Variants in SEC24B observed in about 807,000 individuals in gnomAD.
SEC24B encodes the protein protein transport protein Sec24B.
SEC24B carries 45 observed loss-of-function variants against 142.8 expected under a neutral mutation model. The observed-to-expected ratio is 0.32, with a 90% CI of 0.25 to 0.40. The LOEUF is 0.40. SEC24B is among the 10% of genes least tolerant of loss of function. The pLI, the probability that SEC24B is intolerant of heterozygous loss-of-function variation, is 1.00. For synonymous variants in SEC24B, 574 were observed against 568.2 expected (o/e 1.01, Z -0.15); for missense variants, 1,409 against 1,526.8 (o/e 0.92, Z 1.29).
rs186915533 is a variant in SEC24B, at chr4:109,441,971, A to G, written c.133+7969A>G. ...CTCTCAGAGCTTGGGAAGAAGCTCT[A>G]TAACTGTTATCCTTGCATTATGATA... On this transcript the variant is annotated intron_variant, in intron 1 of 23. Transcript: ENST00000265175. Among the ~76,000 whole-genome samples, 213 of 152,326 alleles carry G rather than the reference A, an allele frequency of 1.4e-3. 2 individuals are homozygous for G. Among genetic ancestry groups the G allele is most frequent in the Non-Finnish European group, 2.3e-3 (155 of 68,032 alleles).
At chr4:109,466,510 A>C (rs1033831887) in intron 2 of SEC24B, among the ~76,000 whole-genome samples, 2 of 152,194 alleles carry the variant, frequency 1.3e-5, no homozygotes, top group Non-Finnish European at 2.9e-5. Flanking sequence ...TTCCAGGTTC[A>C]TGCCGTTCTC....
chr4:109,482,974 A>ACC (rs1733905590), intron 4 of SEC24B, among the ~76,000 whole-genome samples: 1 of 86,740 alleles, frequency 1.2e-5, no homozygotes, highest in African/African-American at 6.3e-5. Context: ...ATATATATAT[A>ACC]TATATACACA....
At chr4:109,500,631 G>A (rs143622679) in intron 6 of SEC24B, among the ~76,000 whole-genome samples, 3 of 151,304 alleles carry the variant, frequency 2.0e-5, no homozygotes, top group African/African-American at 4.8e-5. Flanking sequence ...AAGAAGTTAT[G>A]TAAACTAATG....
intron 9 of SEC24B, among the ~76,000 whole-genome samples, 197 bp from the exon 10 acceptor site, chr4:109,513,550 G>A (rs1321534091): frequency 6.6e-6 from 1 of 152,176 alleles, no homozygotes; most frequent in African/African-American, 2.4e-5. Flanking sequence ...CCAAAGTGCT[G>A]GGATTGCAGG....
At chr4:109,532,038 G>T (rs1460908272) in intron 20 of SEC24B, among the ~76,000 whole-genome samples, 2 of 151,980 alleles carry the variant, frequency 1.3e-5, no homozygotes, top group African/African-American at 4.8e-5. Flanking sequence ...TGTACTTTTA[G>T]TAGAGACAGA....
At chr4:109,501,618 G>A (rs935675133) in intron 6 of SEC24B, among the ~76,000 whole-genome samples, 7 of 152,146 alleles carry the variant, frequency 4.6e-5, no homozygotes, top group African/African-American at 1.7e-4. Context: ...TTATAGGCGT[G>A]TGCCACCATG....
At chr4:109,534,795 C>T (rs1307158436) in intron 22 of SEC24B, among the ~76,000 whole-genome samples, 2 of 152,114 alleles carry the variant, frequency 1.3e-5, no homozygotes, top group African/African-American at 4.8e-5. Flanking sequence ...TTACCTCAGC[C>T]TCCTGAGTAG....
intron 6 of SEC24B, among the ~76,000 whole-genome samples, chr4:109,497,569 T>TA (rs397819012): frequency 6.6e-6 from 1 of 151,190 alleles, no homozygotes; most frequent in African/African-American, 2.4e-5. Context: ...TTTTTTTTTT[T>TA]ACATAATTGG....
chr4:109,441,672 C>G (rs964937147), intron 1 of SEC24B, among the ~76,000 whole-genome samples: 1 of 151,970 alleles, frequency 6.6e-6, no homozygotes, highest in Non-Finnish European at 1.5e-5. Flanking sequence ...CTTGGCCTCC[C>G]AGAGTGCTGG....
intron 5 of SEC24B, 88 bp downstream of exon 5, chr4:109,491,495 A>C: frequency 1.1e-6 from 1 of 933,478 alleles, no homozygotes; most frequent in South Asian, 1.6e-5. Flanking sequence ...TACACATAAT[A>C]GCAGGCTATA....
chr4:109,524,764 T>G (rs749389774), intron 14 of SEC24B, 54 bp from the exon 15 acceptor site: 7 of 1,525,662 alleles, frequency 4.6e-6, no homozygotes, highest in Non-Finnish European at 5.3e-6. Context: ...AAAAATGACA[T>G]GAAAATATGA....
intron 10 of SEC24B, among the ~76,000 whole-genome samples, chr4:109,514,597 G>T (rs1182323294): frequency 6.6e-6 from 1 of 152,204 alleles, no homozygotes; most frequent in Non-Finnish European, 1.5e-5. Context: ...TGCTAGGGAG[G>T]CTGAGGCCGA....
At chr4:109,453,592 C>A (rs988687801) in intron 1 of SEC24B, among the ~76,000 whole-genome samples, 1 of 152,032 alleles carries the variant, frequency 6.6e-6, no homozygotes, top group Non-Finnish European at 1.5e-5. Context: ...AAGGTTATCT[C>A]CCTTGTTCCT....
At chr4:109,500,109 A>C (rs1432345009) in intron 6 of SEC24B, among the ~76,000 whole-genome samples, 37 of 152,216 alleles carry the variant, frequency 2.4e-4, no homozygotes, top group Non-Finnish European at 5.9e-5. Flanking sequence ...AAAAAATTTA[A>C]AATAGAAAAA....
At chr4:109,487,502 T>G (rs1012363948) in intron 4 of SEC24B, among the ~76,000 whole-genome samples, 10 of 152,326 alleles carry the variant, frequency 6.6e-5, no homozygotes, top group African/African-American at 2.4e-4. Context: ...TATGACAGTG[T>G]GAAGGCATTT....
chr4:109,516,716 C>A, intron 11 of SEC24B, 76 bp downstream of exon 11: 1 of 806,052 alleles, frequency 1.2e-6, no homozygotes, highest in Non-Finnish European at 1.9e-6. Context: ...GAAGTGTTCG[C>A]AGTTTGTGGG....
chr4:109,485,536 T>C (rs1276962842), intron 4 of SEC24B, among the ~76,000 whole-genome samples: 1 of 152,218 alleles, frequency 6.6e-6, no homozygotes, highest in East Asian at 1.9e-4. Flanking sequence ...CTCCACAAAA[T>C]AAGACTATAT....
chr4:109,449,655 C>A, intron 1 of SEC24B: 1 of 363,212 alleles, frequency 2.8e-6, no homozygotes, highest in Non-Finnish European at 5.4e-6. Flanking sequence ...TTGGTATGTG[C>A]ACGTAGAGAG....
At chr4:109,482,979 T>TATACACACACACAC (rs781527364) in intron 4 of SEC24B, among the ~76,000 whole-genome samples, 3 of 26,414 alleles carry the variant, frequency 1.1e-4, no homozygotes, top group African/African-American at 2.4e-4. Context: ...TATATATATA[T>TATACACACACACAC]ACACACACAC....
Sources: gnomAD v4.1 joint callset for allele counts (sites outside exome capture counted in the v4.1 genomes callset) on GRCh38, gnomAD v4.1.1 for gene constraint, MANE v1.5 for transcripts, NCBI Gene and HGNC (gene_info 2026-07-23, HGNC 2026-07-21) for gene names.